CDC16: variants seen among roughly 807,000 people sequenced by gnomAD.
CDC16 encodes cell division cycle protein 16 homolog.
A neutral mutation model predicts 87.0 loss-of-function variants in CDC16; 34 were observed. That is an observed-to-expected ratio of 0.39 (90% CI 0.30 to 0.52). CDC16 has a LOEUF of 0.52. Among genes scored for constraint, CDC16 ranks in the 20% least tolerant of loss-of-function variants. The pLI, the probability that CDC16 is intolerant of heterozygous loss-of-function variation, is 0.74. For missense variants in CDC16, 653 were observed against 751.9 expected (o/e 0.87, Z 1.54); for synonymous variants, 263 against 260.6 (o/e 1.01, Z -0.09).
chr13:114,257,728 C>T (rs1396145097), intron 13 of CDC16, among the ~76,000 whole-genome samples: 1 of 152,032 alleles, frequency 6.6e-6, no homozygotes, highest in East Asian at 1.9e-4. Flanking sequence ...GTATGTAATC[C>T]TTTGCATTTC....
Position 114,272,230 on chromosome 13 carries a change from T to A in CDC16, c.1650T>A (p.His550Gln), listed in dbSNP as rs771433112. The change falls in exon 18 of 18, where the codon CAT becomes CAA. Residue 550 changes from histidine to glutamine, a missense_variant. His to Gln is a conservative substitution (Grantham distance 24). Coordinates refer to ENST00000356221, the MANE Select transcript of CDC16 (RefSeq NM_001078645.3). ...TAAAATGTTATGACTTTGATGTGCA[T>A]ACAATGAAGACACTAAAAAACATTA... ...DKLKCYDFDV[H>Q]TMKTLKNIIS... 6.2e-7 allele frequency: 1 copy of A among 1,601,256 alleles called. No homozygotes were observed. The highest frequency in any genetic ancestry group is 8.6e-7 in the Non-Finnish European group (1 of 1,169,544).
chr13:114,245,563 A>G (rs923954237), intron 9 of CDC16, among the ~76,000 whole-genome samples: 8 of 152,196 alleles, frequency 5.3e-5, no homozygotes, highest in Non-Finnish European at 1.0e-4. Context: ...GCTCTGGTCT[A>G]CTGAATCCAA....
At chr13:114,268,796 G>A (rs2083413102) in intron 17 of CDC16, among the ~76,000 whole-genome samples, 1 of 152,150 alleles carries the variant, frequency 6.6e-6, no homozygotes, top group Non-Finnish European at 1.5e-5. Flanking sequence ...CTAAGCAGCA[G>A]AGTGAAAACC....
At position 114,272,693 on chromosome 13, in the gene CDC16, TC is replaced by T. The variant is rs1484472976; in HGVS notation, c.*251del. 1.1e-5 allele frequency: 4 copies of T among 348,940 alleles called. No homozygotes were observed. The highest frequency in any genetic ancestry group is 4.6e-5 in the East Asian group (1 of 21,760). The allele number at this position is 348,940 out of a possible 1,614,324, so 21.6% of individuals were successfully genotyped here. On this transcript the variant is annotated 3_prime_UTR_variant, in exon 18 of 18. Transcript: ENST00000356221. ...AAACCATCTGTTATGTCTTTTTTTT[TC>T]TTTTCCAATAAACTTTTATTTTGGA...
Position 114,234,914 on chromosome 13 carries a change from T to C in CDC16, c.-171T>C, listed in dbSNP as rs546849488. ...GCCTGGGCAGTGCACGGGGCCTGGGTGGGGGGTGCGGGTGTGGGTGGGGAC... is the reference window on the plus strand; with the variant it reads ...GCCTGGGCAGTGCACGGGGCCTGGGCGGGGGGTGCGGGTGTGGGTGGGGAC... On this transcript the variant is annotated 5_prime_UTR_variant, in exon 1 of 18. Coordinates refer to ENST00000356221, the MANE Select transcript of CDC16 (RefSeq NM_001078645.3). The C allele has an allele frequency of 5.6e-4, 173 of 311,212 alleles. 3 individuals are homozygous for C. The highest frequency in any genetic ancestry group is 4.4e-3 in the South Asian group (25 of 5,618). 19.3% of individuals were successfully genotyped at this position (311,212 alleles called of 1,614,324 possible).
At chr13:114,270,229 T>G (rs558134149) in intron 17 of CDC16, among the ~76,000 whole-genome samples, 1 of 152,248 alleles carries the variant, frequency 6.6e-6, no homozygotes, top group East Asian at 1.9e-4. Flanking sequence ...CTTGAAATCA[T>G]GGCAGAAGGC....
chr13:114,235,882 C>T (rs1258110278), intron 1 of CDC16, among the ~76,000 whole-genome samples: 8 of 152,258 alleles, frequency 5.3e-5, no homozygotes, highest in African/African-American at 1.7e-4. Flanking sequence ...TTCTTCGGTA[C>T]GGAGACGTAG....
intron 14 of CDC16, 26 bp from the exon 15 acceptor site, chr13:114,261,861 G>A (rs746806949): frequency 3.2e-5 from 49 of 1,546,120 alleles, no homozygotes; most frequent in African/African-American, 2.8e-5. Context: ...TATATAACTC[G>A]TGGGCTTGAT....
chr13:114,268,121 T>C (rs567329287), intron 17 of CDC16, among the ~76,000 whole-genome samples: 1 of 151,456 alleles, frequency 6.6e-6, no homozygotes, highest in East Asian at 1.9e-4. Flanking sequence ...GGGTCCCGAG[T>C]TGGAAAAGGG....
intron 17 of CDC16, among the ~76,000 whole-genome samples, chr13:114,267,511 C>G (rs1178008832): frequency 6.6e-6 from 1 of 151,958 alleles, no homozygotes; most frequent in African/African-American, 2.4e-5. Flanking sequence ...AAAAAAAGTG[C>G]TACGTATTGG....
chr13:114,254,028 C>T (rs1368829663), intron 12 of CDC16, among the ~76,000 whole-genome samples: 1 of 151,958 alleles, frequency 6.6e-6, no homozygotes, highest in East Asian at 1.9e-4. Flanking sequence ...TGGATTGAGC[C>T]TTTTATCATT....
intron 17 of CDC16, among the ~76,000 whole-genome samples, chr13:114,271,515 C>T (rs1293843771): frequency 6.6e-6 from 1 of 151,992 alleles, no homozygotes; most frequent in African/African-American, 2.4e-5. Context: ...CACTCTGTTG[C>T]CCAGGCTGGA....
At chr13:114,240,207 A>G (rs1458178950) in intron 5 of CDC16, among the ~76,000 whole-genome samples, 1 of 150,366 alleles carries the variant, frequency 6.7e-6, no homozygotes, top group Non-Finnish European at 1.5e-5. Flanking sequence ...CTTTCTTCCC[A>G]CATCTTTTTT....
At chr13:114,255,503 A>G (rs577878302) in intron 12 of CDC16, among the ~76,000 whole-genome samples, 1 of 152,152 alleles carries the variant, frequency 6.6e-6, no homozygotes, top group South Asian at 2.1e-4. Context: ...AGAAGCCCAA[A>G]CTTTTTGAGC....
In CDC16 at chr13:114,236,826, C is replaced by G; in HGVS notation, c.131C>G (p.Ala44Gly). ...REEPQDIYWL[A>G]QCLYLTAQYH... ...GAACCCCAGGACATCTATTGGTTGG[C>G]TCAGTGTCTTTACCTGACAGCACAA... Residue 44 changes from alanine to glycine, a missense_variant, in exon 3 of 18, where the codon GCT (alanine) becomes GGT (glycine). Coordinates refer to ENST00000356221, the MANE Select transcript of CDC16 (RefSeq NM_001078645.3). 37 of 1,613,400 alleles carry G rather than the reference C, an allele frequency of 2.3e-5. No homozygotes were observed. The highest frequency in any genetic ancestry group is 3.1e-5 in the Non-Finnish European group (37 of 1,179,640).
intron 15 of CDC16, among the ~76,000 whole-genome samples, chr13:114,262,378 T>C (rs1035546757): frequency 2.6e-5 from 4 of 152,234 alleles, no homozygotes; most frequent in Non-Finnish European, 5.9e-5. Flanking sequence ...TTACTATGTA[T>C]TACGAACTTA....
At chr13:114,241,624 A>G (rs552147751) in intron 5 of CDC16, among the ~76,000 whole-genome samples, 13 of 152,326 alleles carry the variant, frequency 8.5e-5, no homozygotes, top group African/African-American at 3.1e-4. Context: ...AAGCCCAGGG[A>G]AGGTGAATTG....
At chr13:114,271,277 C>T (rs1232243183) in intron 17 of CDC16, among the ~76,000 whole-genome samples, 1 of 152,096 alleles carries the variant, frequency 6.6e-6, no homozygotes, top group African/African-American at 2.4e-5. Flanking sequence ...CATTATCTGC[C>T]AAACTACCTA....
intron 12 of CDC16, among the ~76,000 whole-genome samples, chr13:114,256,245 T>G (rs762885884): frequency 1.3e-5 from 2 of 151,950 alleles, no homozygotes; most frequent in Non-Finnish European, 2.9e-5. Context: ...TTTGCCAGTG[T>G]TGTTGTTGCT....
Sources: gnomAD v4.1 joint callset for allele counts (sites outside exome capture counted in the v4.1 genomes callset) on GRCh38, gnomAD v4.1.1 for gene constraint, MANE v1.5 for transcripts, NCBI Gene and HGNC (gene_info 2026-07-23, HGNC 2026-07-21) for gene names.